Variants in OR51B5 observed in about 807,000 individuals in gnomAD.
OR51B5 encodes olfactory receptor 51B5.
For missense variants in OR51B5, 456 were observed against 374.6 expected (o/e 1.22, Z -1.79); for synonymous variants, 186 against 144.8 (o/e 1.28, Z -2.04).
At chr11:5,423,067 G>C in intron 1 of OR51B5, 1 of 1,614,114 alleles carries the variant, frequency 6.2e-7, no homozygotes, top group Non-Finnish European at 8.5e-7. Flanking sequence ...CCCCGGTGAT[G>C]AACCCCATCA....
chr11:5,350,161 CCTTA>C (rs1352757696), intron 1 of OR51B5, among the ~76,000 whole-genome samples: 1 of 152,126 alleles, frequency 6.6e-6, no homozygotes. Flanking sequence ...AAACATTTCC[CCTTA>C]CTTTGTGTCA....
At chr11:5,473,854 A>AGTGTGTGTGT (rs71053262) in intron 1 of OR51B5, among the ~76,000 whole-genome samples, 26 of 150,136 alleles carry the variant, frequency 1.7e-4, no homozygotes, top group South Asian at 1.1e-3. Context: ...TTACAAAATG[A>AGTGTGTGTGT]GTGTGTGTGT....
rs1265807614 is a variant in OR51B5 at position 5,454,545 on chromosome 11, G to T, written n.84+51024C>A. The T allele has an allele frequency of 7.4e-6, 6 of 808,784 alleles. No individual in the cohort carries two copies. The African/African-American group carries it at 1.0e-4, about 14-fold the overall frequency. The allele number at this position is 808,784 out of a possible 1,614,324, so 50.1% of individuals were successfully genotyped here. A position where few individuals can be genotyped will look rare whatever the true frequency, so the allele number is the denominator to read the frequency against. ...GTGCTGCGGGAAAAGTAGGCCAGGA[G>T]ATGGTGATGCAAAACTTATAACACA... On this transcript the variant is annotated intron_variant and non_coding_transcript_variant, in intron 1 of 4. Coordinates refer to the OR51B5 transcript ENST00000415970.
upstream of OR51B5, among the ~76,000 whole-genome samples, chr11:5,347,217 C>A (rs1564913961): frequency 6.6e-6 from 1 of 152,166 alleles, no homozygotes; most frequent in African/African-American, 2.4e-5. Flanking sequence ...TTTACTTCAA[C>A]AGTCAAATCT....
intron 1 of OR51B5, among the ~76,000 whole-genome samples, chr11:5,361,060 C>T (rs1849276969): frequency 6.6e-6 from 1 of 151,980 alleles, no homozygotes; most frequent in South Asian, 2.1e-4. Context: ...TTAATGGGTG[C>T]AGCACACCAA....
chr11:5,411,127 A>G (rs1344744798), intron 1 of OR51B5, among the ~76,000 whole-genome samples: 1 of 152,214 alleles, frequency 6.6e-6, no homozygotes, highest in Non-Finnish European at 1.5e-5. Flanking sequence ...TCCACTCACC[A>G]CTCACTCACT....
intron 1 of OR51B5, among the ~76,000 whole-genome samples, chr11:5,484,516 CACAGG>C (rs200716101): frequency 0.013 from 2,042 of 152,276 alleles, 34 homozygotes; most frequent in African/African-American, 0.043. Flanking sequence ...CCCCTATTAA[CACAGG>C]TCAGTGCCAA....
intron 1 of OR51B5, among the ~76,000 whole-genome samples, chr11:5,357,208 A>C (rs1056205266): frequency 3.3e-5 from 5 of 152,134 alleles, no homozygotes; most frequent in Non-Finnish European, 5.9e-5. Context: ...AAGACCCATC[A>C]GTGTGCTGTA....
At chr11:5,476,094 G>C (rs573110719) in intron 1 of OR51B5, among the ~76,000 whole-genome samples, 1 of 152,288 alleles carries the variant, frequency 6.6e-6, no homozygotes, top group South Asian at 2.1e-4. Flanking sequence ...ATGCGCAGTA[G>C]AGAAATCTTT....
At position 5,413,800 on chromosome 11, in the gene OR51B5, C is replaced by T. The variant is rs907257027; in HGVS notation, n.85-66890G>A. Reference sequence around the variant, plus strand: ...GGACTATGTGAAAAGACCAAATCTACATCTGATTGGTGTACCTGAAAGTGA... The same window carrying T: ...GGACTATGTGAAAAGACCAAATCTATATCTGATTGGTGTACCTGAAAGTGA... On this transcript the variant is annotated intron_variant and non_coding_transcript_variant, in intron 1 of 4. Coordinates refer to the OR51B5 transcript ENST00000415970. Among the ~76,000 whole-genome samples the T allele has an allele frequency of 2.6e-5, 4 of 151,670 alleles. No homozygotes were observed. In the East Asian group the frequency reaches 5.8e-4, roughly 22 times the overall value.
intron 1 of OR51B5, among the ~76,000 whole-genome samples, chr11:5,459,474 T>C (rs115931140): frequency 0.038 from 5,743 of 151,388 alleles, 346 homozygotes; most frequent in African/African-American, 0.13. Flanking sequence ...ACTGGCCTCA[T>C]AGAATGACTT....
chr11:5,472,923 C>A (rs1333910585), intron 1 of OR51B5, among the ~76,000 whole-genome samples: 1 of 152,166 alleles, frequency 6.6e-6, no homozygotes, highest in African/African-American at 2.4e-5. Flanking sequence ...TCCTTGTTTG[C>A]CCCATCCTGT....
chr11:5,377,749 T>C (rs1849549323), intron 1 of OR51B5, among the ~76,000 whole-genome samples: 1 of 150,486 alleles, frequency 6.6e-6, no homozygotes, highest in Non-Finnish European at 1.5e-5. Context: ...GAATCCAACT[T>C]ACAAGGGATG....
chr11:5,358,954 T>TAAA (rs1358479205), intron 1 of OR51B5, among the ~76,000 whole-genome samples: 4 of 151,606 alleles, frequency 2.6e-5, no homozygotes, highest in Non-Finnish European at 5.9e-5. Flanking sequence ...CCCTTCATGC[T>TAAA]AAAAACTCTC....
chr11:5,494,397 A>G (rs776218964), intron 1 of OR51B5, among the ~76,000 whole-genome samples: 2 of 152,100 alleles, frequency 1.3e-5, no homozygotes, highest in Non-Finnish European at 2.9e-5. Flanking sequence ...TTCCCAGTCC[A>G]CTTACATACT....
chr11:5,430,709 G>A, intron 1 of OR51B5: 1 of 456,720 alleles, frequency 2.2e-6, no homozygotes, highest in Non-Finnish European at 4.4e-6. Context: ...CTTATTGTCT[G>A]GGTCTTAACA....
chr11:5,344,369 TGAAGTAATTCCCTA>T, upstream of OR51B5, among the ~76,000 whole-genome samples: 1 of 152,120 alleles, frequency 6.6e-6, no homozygotes, highest in East Asian at 1.9e-4. Flanking sequence ...ATAGGCCTAC[TGAAGTAATTCCCTA>T]GAATCTGACC....
chr11:5,440,485 T>G, intron 1 of OR51B5: 1 of 881,968 alleles, frequency 1.1e-6, no homozygotes, highest in Non-Finnish European at 1.8e-6. Flanking sequence ...TCCTGGGTCC[T>G]CTTCATCCTT....
At chr11:5,413,672 A>G (rs1390531693) in intron 1 of OR51B5, among the ~76,000 whole-genome samples, 1 of 152,244 alleles carries the variant, frequency 6.6e-6, no homozygotes, top group Non-Finnish European at 1.5e-5. Flanking sequence ...CAACTGGAAG[A>G]AAGGGTATCA....
Sources: gnomAD v4.1 joint callset for allele counts (sites outside exome capture counted in the v4.1 genomes callset) on GRCh38, gnomAD v4.1.1 for gene constraint, MANE v1.5 for transcripts, NCBI Gene and HGNC (gene_info 2026-07-23, HGNC 2026-07-21) for gene names.